The following LMAN1 variants were observed in gnomAD, a reference collection of about 807,000 sequenced individuals.
The protein encoded by LMAN1 is protein ERGIC-53.
LMAN1 carries 32 observed loss-of-function variants against 67.8 expected under a neutral mutation model. The ratio of observed to expected loss-of-function variants is 0.47; its 90% CI spans 0.36 to 0.63. LMAN1 has a LOEUF of 0.63. Among genes scored for constraint, LMAN1 ranks in the 30% least tolerant of loss-of-function variants. LMAN1 has a pLI of 0.00. For synonymous variants in LMAN1, 235 were observed against 219.3 expected, an observed-to-expected ratio of 1.07 and a Z score of -0.63; for missense variants, 632 against 628.2, an observed-to-expected ratio of 1.01 and a Z score of -0.06.
At chr18:59,352,112 G>T in intron 5 of LMAN1, among the ~76,000 whole-genome samples, 1 of 152,164 alleles carries the variant, frequency 6.6e-6, no homozygotes, top group East Asian at 1.9e-4. Flanking sequence ...ACAATGCATA[G>T]TGATCTTAGT....
Position 59,346,105 on chromosome 18 carries a change from A to C in LMAN1, c.823-54T>G. 2.8e-6 allele frequency: 4 copies of C among 1,420,084 alleles called. No homozygotes were observed. In the African/African-American group the frequency reaches 5.7e-5, roughly 20 times the overall value. The allele number at this position is 1,420,084 out of a possible 1,614,324, so 88.0% of individuals were successfully genotyped here. A position where few individuals can be genotyped will look rare whatever the true frequency, so the allele number is the denominator to read the frequency against. ...TTAAAAAGATAAGAAAATCATTAAG[A>C]TATCTCTATACATGTTATTTTTCTC... On this transcript the variant is annotated intron_variant, in intron 7 of 12. Coordinates refer to ENST00000251047, the MANE Select transcript of LMAN1 (RefSeq NM_005570.4).
rs1603394281 is a variant in LMAN1, at chr18:59,338,743, A to G, written c.1149+17T>C. 1.2e-6 allele frequency: 2 copies of G among 1,613,820 alleles called. No homozygotes were observed. Among genetic ancestry groups the G allele is most frequent in the Non-Finnish European group, 1.7e-6 (2 of 1,179,732 alleles). The stretch of plus-strand genomic sequence containing the variant: ...CAAAGGGTAAATGGGGCACATCTGC[A>G]TATTCTGCAAGCCCACCTGCCCATG... On this transcript the variant is annotated intron_variant, in intron 9 of 12. Transcript: ENST00000251047.
chr18:59,343,270 G>A (rs941659962), intron 8 of LMAN1, among the ~76,000 whole-genome samples: 17 of 151,416 alleles, frequency 1.1e-4, no homozygotes, highest in African/African-American at 4.1e-4. Flanking sequence ...AATTACCAAT[G>A]TCATTTTTCA....
In LMAN1 at chr18:59,328,078, T is replaced by C. The variant is rs2070723773; in HGVS notation, c.*3015A>G. On this transcript the variant is annotated 3_prime_UTR_variant, in exon 13 of 13. Coordinates refer to ENST00000251047, the MANE Select transcript of LMAN1 (RefSeq NM_005570.4). ...TAAAAAAATCCTCAATATAATCATT[T>C]GTTCACTATCTTCTTTCAATAAGCA... The C allele has an allele frequency of 6.6e-6, 1 of 152,260 alleles. No individual in the cohort carries two copies. The highest frequency in any genetic ancestry group is 1.5e-5 in the Non-Finnish European group (1 of 68,046). 9.4% of individuals were successfully genotyped at this position (152,260 alleles called of 1,614,324 possible).
At chr18:59,339,801 G>C (rs1194906802) in intron 8 of LMAN1, among the ~76,000 whole-genome samples, 1 of 152,130 alleles carries the variant, frequency 6.6e-6, no homozygotes, top group Non-Finnish European at 1.5e-5. Flanking sequence ...TGAGTAGACA[G>C]CACTCCCCAC....
intron 5 of LMAN1, among the ~76,000 whole-genome samples, chr18:59,350,697 G>T (rs1004327509): frequency 6.6e-6 from 1 of 151,898 alleles, no homozygotes; most frequent in African/African-American, 2.4e-5. Flanking sequence ...GGGTTTCACC[G>T]TGTGAGCCAG....
Position 59,347,514 on chromosome 18 carries a change from G to A in LMAN1, c.821C>T (p.Pro274Leu), listed in dbSNP as rs41476148. The A allele has an allele frequency of 6.0e-4, 964 of 1,607,094 alleles. 3 individuals carry two copies. The African/African-American group carries it at 6.5e-3, about 11-fold the overall frequency. ...TFQLTEPGKE[P>L]PTPDKEISEK... ...TTTTGAAAATATGTGTAAAATTACC[G>A]GCTCTTTTCCAGGTTCAGTCAACTG... Residue 274 changes from proline (P) to leucine (L), a missense_variant and splice_region_variant, in exon 7 of 13, where the codon CCG (proline) becomes CTG (leucine). Transcript: ENST00000251047.
intron 11 of LMAN1, 104 bp from the exon 12 acceptor site, chr18:59,331,643 T>A: frequency 7.9e-7 from 1 of 1,260,348 alleles, no homozygotes. Context: ...AAACAAGTAT[T>A]TTCATTTTTT....
chr18:59,345,917 A>G lies in LMAN1; in HGVS notation c.955+2T>C. Reference sequence around the variant, plus strand: ...ACCCATGTCAGCTTTGCTACAACTCACCAGGCTGCCCTTGGAGGTCGGGGT... The same window carrying G: ...ACCCATGTCAGCTTTGCTACAACTCGCCAGGCTGCCCTTGGAGGTCGGGGT... On this transcript the variant is annotated splice_donor_variant, in intron 8 of 12. Coordinates refer to ENST00000251047, the MANE Select transcript of LMAN1 (RefSeq NM_005570.4). LOFTEE classifies it high-confidence loss of function. The G allele has an allele frequency of 6.2e-7, 1 of 1,613,762 alleles. No homozygotes were observed. The highest frequency in any genetic ancestry group is 1.1e-5 in the South Asian group (1 of 91,054).
chr18:59,334,154 G>T (rs918917296), intron 10 of LMAN1, among the ~76,000 whole-genome samples: 6 of 152,112 alleles, frequency 3.9e-5, no homozygotes, highest in African/African-American at 1.4e-4. Context: ...ATGTAACGTT[G>T]TCACATATTT....
At chr18:59,331,305 A>G in intron 12 of LMAN1, 113 bp downstream of exon 12, 1 of 1,215,708 alleles carries the variant, frequency 8.2e-7, no homozygotes. Context: ...ATCACAATAA[A>G]CTTAATTTTA....
chr18:59,346,581 C>T (rs560681277), intron 7 of LMAN1, among the ~76,000 whole-genome samples: 48 of 151,674 alleles, frequency 3.2e-4, no homozygotes, highest in African/African-American at 1.1e-3. Context: ...AGTGCAGTGT[C>T]TTGATCTCAG....
At chr18:59,334,815 A>G (rs894585341) in intron 10 of LMAN1, among the ~76,000 whole-genome samples, 1 of 152,180 alleles carries the variant, frequency 6.6e-6, no homozygotes, top group African/African-American at 2.4e-5. Context: ...CCTTTCCATT[A>G]AAGGCAAATA....
chr18:59,332,581 A>G (rs756367283), intron 11 of LMAN1, among the ~76,000 whole-genome samples: 8 of 152,332 alleles, frequency 5.3e-5, no homozygotes, highest in Admixed American at 1.3e-4. Flanking sequence ...TATAAAATAT[A>G]AGGGATTGGG....
At chr18:59,335,103 A>G (rs966282836) in intron 10 of LMAN1, among the ~76,000 whole-genome samples, 1 of 152,196 alleles carries the variant, frequency 6.6e-6, no homozygotes. Context: ...AAGAGTATCT[A>G]GAATATGCTA....
rs749827878 is a variant in LMAN1, at chr18:59,331,467, T to C, written c.1447A>G (p.Ile483Val). 1.9e-6 allele frequency: 3 copies of C among 1,609,882 alleles called. No homozygotes were observed. The highest frequency in any genetic ancestry group is 2.6e-6 in the Non-Finnish European group (3 of 1,176,390). ...AATACAGTTTGCACCACAACAAATA[T>C]AATGAAGTGGACCGTAGACAAACAT... ...PSCLSTVHFI[I>V]FVVVQTVLFI... Residue 483 changes from isoleucine (I) to valine (V), a missense_variant, in exon 12 of 13, where the codon ATA (isoleucine) becomes GTA (valine). Coordinates refer to ENST00000251047, the MANE Select transcript of LMAN1 (RefSeq NM_005570.4).
chr18:59,331,533 T>C lies in LMAN1; in HGVS notation c.1381A>G (p.Asn461Asp), dbSNP rs1244211920. 11 of 1,613,122 alleles carry C rather than the reference T, an allele frequency of 6.8e-6. No individual in the cohort carries two copies. Among genetic ancestry groups the C allele is most frequent in the Non-Finnish European group, 9.3e-6 (11 of 1,179,370 alleles). The change falls in exon 12 of 13, where the codon AAT becomes GAT. Residue 461 changes from asparagine to aspartate, a missense_variant. By Grantham distance (23) the Asn-to-Asp change is conservative. Coordinates refer to ENST00000251047, the MANE Select transcript of LMAN1 (RefSeq NM_005570.4). ...DNLVQRNMPS[N>D]EKPKCPELPP... The stretch of plus-strand genomic sequence containing the variant: ...AGTTCTGGGCATTTCGGCTTTTCAT[T>C]TGATGGCTGTAAGGCAAATGACTTT...
At chr18:59,354,619 C>T in intron 3 of LMAN1, 39 bp from the exon 4 acceptor site, 1 of 1,036,922 alleles carries the variant, frequency 9.6e-7, no homozygotes, top group Non-Finnish European at 1.5e-6. Context: ...TGTCTTTAAT[C>T]AAAGCATTCT....
intron 8 of LMAN1, among the ~76,000 whole-genome samples, chr18:59,341,323 C>G (rs1013845863): frequency 2.6e-5 from 4 of 152,034 alleles, no homozygotes; most frequent in African/African-American, 4.8e-5. Context: ...AACAAAGAAA[C>G]ATTGGGCTTA....
Sources: allele counts gnomAD v4.1 joint callset (sites outside exome capture counted in the v4.1 genomes callset), GRCh38; gene constraint gnomAD v4.1.1; transcripts MANE v1.5; gene names NCBI Gene and HGNC (gene_info 2026-07-23, HGNC 2026-07-21).